RNF212B: variants seen among roughly 807,000 people sequenced by gnomAD.
RNF212B encodes ring finger protein 212B, also known as E3 ubiquitin-protein ligase RNF212B.
RNF212B carries 52 observed loss-of-function variants against 55.5 expected under a neutral mutation model. That is an observed-to-expected ratio of 0.94 (90% CI 0.75 to 1.18). The LOEUF (loss-of-function observed/expected upper bound fraction) is 1.18. Among genes scored for constraint, RNF212B ranks in the 50% most tolerant of loss-of-function variants. RNF212B has a pLI of 0.00. For missense variants in RNF212B, 289 were observed against 350.4 expected (o/e 0.82, Z 1.40); for synonymous variants, 99 against 121.4 (o/e 0.82, Z 1.21).
intron 1 of RNF212B, among the ~76,000 whole-genome samples, chr14:23,192,133 C>T (rs1878173502): frequency 6.7e-6 from 1 of 150,240 alleles, no homozygotes; most frequent in Non-Finnish European, 1.5e-5. Context: ...TGTGGCGATT[C>T]CTCAAGGATC....
Position 23,272,917 on chromosome 14 carries a change from ATGC to A in RNF212B, c.*32_*34del. On this transcript the variant is annotated 3_prime_UTR_variant, in exon 15 of 15. Coordinates refer to ENST00000430154, the MANE Select transcript of RNF212B (RefSeq NM_001282322.3). ...ATCATCTTCAAGATCTGATCTATAC[ATGC>A]TGCTGAAGGATGGACTGTAGCTTCC... 1.4e-6 allele frequency: 2 copies of A among 1,379,364 alleles called. No homozygotes were observed. The highest frequency in any genetic ancestry group is 2.0e-6 in the Non-Finnish European group (2 of 1,006,038). The allele number at this position is 1,379,364 out of a possible 1,614,324, so 85.4% of individuals were successfully genotyped here.
At chr14:23,229,223 TATATATATATATATATATA>T (rs1566412309) in intron 2 of RNF212B, among the ~76,000 whole-genome samples, 1,071 of 75,512 alleles carry the variant, frequency 0.014, 30 homozygotes, top group African/African-American at 0.08. Context: ...TAATATTTTA[TATATATATATATATATATA>T]TATATATATA....
chr14:23,243,694 CAAAAAAAAAAAAAA>C lies in RNF212B; in HGVS notation c.153+398_153+411del, dbSNP rs761227119. Among the ~76,000 whole-genome samples, 160 of 32,524 alleles carry C rather than the reference CAAAAAAAAAAAAAA, an allele frequency of 4.9e-3. 1 individual carries two copies. Among genetic ancestry groups the C allele is most frequent in the African/African-American group, 0.016 (147 of 9,128 alleles). The allele number at this position is 32,524 out of a possible 152,430, so 21.3% of individuals were successfully genotyped here. ...TTGGGCTCAGAGTAAGACTCTGTCT[CAAAAAAAAAAAAAA>C]AAAAAAAAAAAGCAAGCAAGCAAGC... is the stretch of plus-strand genomic sequence containing the variant. On this transcript the variant is annotated intron_variant, in intron 3 of 14. Coordinates refer to ENST00000430154, the MANE Select transcript of RNF212B (RefSeq NM_001282322.3).
At position 23,221,211 on chromosome 14, in the gene RNF212B, A is replaced by G. The variant is rs1881543187; in HGVS notation, c.-1-19134A>G. 2.0e-5 allele frequency among the ~76,000 whole-genome samples: 3 copies of G among 150,896 alleles called. No individual in the cohort carries two copies. In the South Asian group the frequency reaches 6.3e-4, roughly 32 times the overall value. On this transcript the variant is annotated intron_variant, in intron 2 of 15. Coordinates refer to the RNF212B transcript ENST00000399910. ...AGACGAGCCTGGCCAGCATGGTGAA[A>G]CCCTGTCTCTACTGAAAATAGGAAA...
intron 9 of RNF212B, 126 bp from the exon 10 acceptor site, chr14:23,264,048 A>G (rs1253247529): frequency 3.0e-6 from 2 of 661,890 alleles, no homozygotes; most frequent in East Asian, 2.8e-5. Flanking sequence ...AGCTTGTGCC[A>G]TTGTGCTCTA....
chr14:23,237,433 A>C (rs1443922391), upstream of RNF212B, among the ~76,000 whole-genome samples: 2 of 152,100 alleles, frequency 1.3e-5, no homozygotes, highest in Non-Finnish European at 2.9e-5. Flanking sequence ...CCTGGCCAAA[A>C]ATTTCTGAAT....
rs181135527 is a variant in RNF212B at position 23,215,169 on chromosome 14, G to A, written c.-2+21768G>A. ...TCATGAGACATGATGGTTTAAAAGT[G>A]TTTGGCAGTTCCCCCCACCCCTCTG... is the stretch of plus-strand genomic sequence containing the variant. On this transcript the variant is annotated intron_variant, in intron 2 of 15. Transcript: ENST00000399910. 1.5e-3 allele frequency among the ~76,000 whole-genome samples: 223 copies of A among 152,240 alleles called. 2 individuals are homozygous for A. The highest frequency in any genetic ancestry group is 2.2e-3 in the Non-Finnish European group (152 of 68,014).
intron 2 of RNF212B, among the ~76,000 whole-genome samples, chr14:23,203,903 A>AT (rs1432888206): frequency 5.3e-5 from 8 of 152,032 alleles, no homozygotes; most frequent in African/African-American, 1.9e-4. Context: ...CAGTTTTTTG[A>AT]TTTTTTGATT....
intron 4 of RNF212B, 51 bp downstream of exon 4, chr14:23,244,447 T>C (rs998583258): frequency 4.1e-5 from 39 of 946,096 alleles, no homozygotes; most frequent in Non-Finnish European, 6.1e-5. Flanking sequence ...AAATTCTAAT[T>C]GCATCTTATT....
At chr14:23,259,797 T>G in intron 5 of RNF212B, 87 bp from the exon 6 acceptor site, 1 of 625,088 alleles carries the variant, frequency 1.6e-6, no homozygotes, top group African/African-American at 1.9e-5. Flanking sequence ...CAGTAAGTAT[T>G]AACTAGATGT....
intron 1 of RNF212B, among the ~76,000 whole-genome samples, chr14:23,190,784 T>A (rs1050266173): frequency 1.3e-5 from 2 of 152,218 alleles, no homozygotes; most frequent in African/African-American, 4.8e-5. Flanking sequence ...CCTCCAACGC[T>A]GCCTGTCACA....
At chr14:23,207,098 TCAG>T (rs1879918350) in intron 2 of RNF212B, among the ~76,000 whole-genome samples, 1 of 152,202 alleles carries the variant, frequency 6.6e-6, no homozygotes, top group Admixed American at 6.5e-5. Flanking sequence ...TTACCATATT[TCAG>T]CTAGGACAAA....
At chr14:23,213,637 A>G (rs551382650) in intron 2 of RNF212B, among the ~76,000 whole-genome samples, 40 of 152,264 alleles carry the variant, frequency 2.6e-4, no homozygotes, top group African/African-American at 9.4e-4. Flanking sequence ...GAAAGGTGTC[A>G]GTGGGACCCA....
intron 2 of RNF212B, among the ~76,000 whole-genome samples, chr14:23,212,208 T>C (rs1470334462): frequency 6.6e-6 from 1 of 152,218 alleles, no homozygotes; most frequent in Non-Finnish European, 1.5e-5. Flanking sequence ...GCTTTTTCCC[T>C]ATGATCAAGA....
At chr14:23,200,333 T>C (rs1017306320) in intron 2 of RNF212B, among the ~76,000 whole-genome samples, 1 of 146,658 alleles carries the variant, frequency 6.8e-6, no homozygotes, top group African/African-American at 2.5e-5. Context: ...CTCCCCCAAC[T>C]TTTTTTTTTT....
At chr14:23,248,351 CG>C (rs1566427635) in intron 4 of RNF212B, among the ~76,000 whole-genome samples, 1 of 149,154 alleles carries the variant, frequency 6.7e-6, no homozygotes, top group Non-Finnish European at 1.5e-5. Flanking sequence ...GCCCAGGTCT[CG>C]AACCCCTGGG....
chr14:23,208,371 C>A (rs1335038302), intron 2 of RNF212B, among the ~76,000 whole-genome samples: 1 of 152,064 alleles, frequency 6.6e-6, no homozygotes, highest in Non-Finnish European at 1.5e-5. Flanking sequence ...ATGGTGTGTG[C>A]CTGTAGTTCT....
chr14:23,270,061 A>G, intron 13 of RNF212B, 101 bp downstream of exon 13: 1 of 721,488 alleles, frequency 1.4e-6, no homozygotes, highest in Non-Finnish European at 2.4e-6. Context: ...TTTGCCCCCC[A>G]AAGAGCATTG....
At position 23,241,381 on chromosome 14, in the gene RNF212B, G is replaced by A. The variant is rs574231991; in HGVS notation, c.100+936G>A. Among the ~76,000 whole-genome samples the A allele has an allele frequency of 2.8e-3, 428 of 152,228 alleles. 2 individuals carry two copies. In the South Asian group the frequency reaches 0.034, roughly 12 times the overall value. Reference sequence around the variant, plus strand: ...GGAAGGCTCTATACACTGGGCTAAAGAGCCTGAACTTCATCCTGCAGGTGA... The same window carrying A: ...GGAAGGCTCTATACACTGGGCTAAAAAGCCTGAACTTCATCCTGCAGGTGA... On this transcript the variant is annotated intron_variant, in intron 2 of 14. Transcript: ENST00000430154.
Sources: allele counts gnomAD v4.1 joint callset (sites outside exome capture counted in the v4.1 genomes callset), GRCh38; gene constraint gnomAD v4.1.1; transcripts MANE v1.5; gene names NCBI Gene and HGNC (gene_info 2026-07-23, HGNC 2026-07-21).